Variants in IFT88 observed in about 807,000 individuals in gnomAD.
IFT88 encodes intraflagellar transport 88.
Under a neutral mutation model 119.5 loss-of-function variants are expected in IFT88, and 74 were observed. The observed-to-expected ratio is 0.62, with a 90% CI of 0.51 to 0.75. The LOEUF (loss-of-function observed/expected upper bound fraction) is 0.75. IFT88 is among the 30% of genes least tolerant of loss of function. The probability of loss-of-function intolerance (pLI) is 0.00; values close to 1 mark genes in which losing one functional copy is unlikely to be tolerated. For synonymous variants in IFT88, 279 were observed against 316.7 expected, an observed-to-expected ratio of 0.88 and a Z score of 1.26; for missense variants, 961 against 977.7, an observed-to-expected ratio of 0.98 and a Z score of 0.23.
chr13:20,602,867 A>T (rs1261737198), intron 12 of IFT88, among the ~76,000 whole-genome samples: 2 of 151,870 alleles, frequency 1.3e-5, no homozygotes, highest in Non-Finnish European at 2.9e-5. Flanking sequence ...TGGGTGACAG[A>T]GCAAGACTCT....
intron 1 of IFT88, among the ~76,000 whole-genome samples, chr13:20,570,956 G>C (rs2036235584): frequency 6.6e-6 from 1 of 151,846 alleles, no homozygotes; most frequent in South Asian, 2.1e-4. Flanking sequence ...CTGAGAAAAA[G>C]ATTAAGCTGA....
At chr13:20,584,959 T>C (rs899743412) in intron 3 of IFT88, among the ~76,000 whole-genome samples, 4 of 152,206 alleles carry the variant, frequency 2.6e-5, no homozygotes, top group Admixed American at 6.5e-5. Context: ...CTACAATGCA[T>C]AGGGCAGCCC....
intron 1 of IFT88, among the ~76,000 whole-genome samples, chr13:20,572,547 C>T (rs773973310): frequency 2.6e-5 from 4 of 152,094 alleles, no homozygotes; most frequent in African/African-American, 9.7e-5. Flanking sequence ...GTATTTTAAG[C>T]TAAATTACAG....
chr13:20,594,701 A>G (rs2041333228), intron 7 of IFT88, among the ~76,000 whole-genome samples: 1 of 152,222 alleles, frequency 6.6e-6, no homozygotes, highest in South Asian at 2.1e-4. Flanking sequence ...GACAACTAGA[A>G]AATAGAATTC....
At chr13:20,573,851 C>T (rs1436324304) in intron 1 of IFT88, among the ~76,000 whole-genome samples, 1 of 152,142 alleles carries the variant, frequency 6.6e-6, no homozygotes, top group Non-Finnish European at 1.5e-5. Context: ...TGTACCCCCT[C>T]TAGTGCCTGT....
intron 2 of IFT88, among the ~76,000 whole-genome samples, chr13:20,577,779 C>T (rs754203268): frequency 2.0e-5 from 3 of 152,080 alleles, no homozygotes; most frequent in Non-Finnish European, 4.4e-5. Context: ...AGGATTTTTG[C>T]ATCAATGTTC....
chr13:20,642,930 AAAAT>A (rs1354160098), intron 18 of IFT88: 3 of 152,048 alleles, frequency 2.0e-5, no homozygotes, highest in Admixed American at 6.5e-5. Flanking sequence ...TAATATGTAT[AAAAT>A]AAATAGTAAT....
rs749936390 is a variant in IFT88 at position 20,691,139 on chromosome 13, T to C, written c.2439T>C (p.Ala813=). The change falls in exon 26 of 26, where the codon GCT becomes GCC. Residue 813 remains alanine (A), a synonymous_variant. Coordinates refer to ENST00000351808, the MANE Select transcript of IFT88 (RefSeq NM_006531.5). ...AKKRIDEDDF[A]DEELGDDLLP... ...AAAGGATCGATGAGGATGATTTTGC[T>C]GATGAAGAATTAGGAGATGATTTGC... The C allele has an allele frequency of 3.7e-6, 6 of 1,613,704 alleles. No homozygotes were observed. Among genetic ancestry groups the C allele is most frequent in the Admixed American group, 1.7e-5 (1 of 59,972 alleles).
At chr13:20,591,583 T>C (rs766581704) in intron 5 of IFT88, 35 bp from the exon 6 acceptor site, 13 of 1,504,994 alleles carry the variant, frequency 8.6e-6, no homozygotes, top group Non-Finnish European at 1.2e-5. Flanking sequence ...AGATAGATCT[T>C]ATTTAAGAAT....
At chr13:20,580,515 A>G (rs1462470266) in intron 2 of IFT88, among the ~76,000 whole-genome samples, 1 of 152,110 alleles carries the variant, frequency 6.6e-6, no homozygotes, top group African/African-American at 2.4e-5. Context: ...TGCACAACAG[A>G]GCAAGAGTCC....
chr13:20,685,573 T>C (rs7139641), intron 24 of IFT88, among the ~76,000 whole-genome samples: 32,074 of 152,106 alleles, frequency 0.21, 3,889 homozygotes, highest in African/African-American at 0.31. Context: ...TCAAGCCCTT[T>C]AAAATGCCCG....
At chr13:20,593,748 T>TA (rs994644198) in intron 7 of IFT88, among the ~76,000 whole-genome samples, 2 of 151,712 alleles carry the variant, frequency 1.3e-5, no homozygotes, top group African/African-American at 2.4e-5. Flanking sequence ...AAAACATGTT[T>TA]AAAAAAAAGT....
intron 18 of IFT88, 84 bp from the exon 19 acceptor site, chr13:20,643,371 A>C (rs554874362): frequency 9.5e-7 from 1 of 1,047,142 alleles, no homozygotes; most frequent in Admixed American, 2.3e-5. Flanking sequence ...AGGCTAAGAA[A>C]TATTGTTACT....
intron 24 of IFT88, among the ~76,000 whole-genome samples, chr13:20,675,386 A>C (rs1449964346): frequency 1.3e-5 from 2 of 152,208 alleles, no homozygotes; most frequent in Non-Finnish European, 1.5e-5. Flanking sequence ...TATCCAGCCC[A>C]CTTTGTATAC....
intron 9 of IFT88, among the ~76,000 whole-genome samples, chr13:20,597,475 T>A (rs1010517028): frequency 1.6e-4 from 25 of 152,196 alleles, no homozygotes; most frequent in Admixed American, 1.6e-3. Flanking sequence ...CCGGGTGCCG[T>A]GGCTCACGCC....
At chr13:20,620,913 A>G (rs959917173) in intron 14 of IFT88, among the ~76,000 whole-genome samples, 1 of 152,244 alleles carries the variant, frequency 6.6e-6, no homozygotes, top group African/African-American at 2.4e-5. Context: ...ATGTGAGGAC[A>G]CAGCAAAAAG....
At chr13:20,649,566 C>T (rs564768343) in intron 20 of IFT88, among the ~76,000 whole-genome samples, 1 of 152,094 alleles carries the variant, frequency 6.6e-6, no homozygotes, top group South Asian at 2.1e-4. Context: ...AGTTAGTAAC[C>T]TAACTAAACA....
At chr13:20,674,767 G>A (rs1202709578) in intron 24 of IFT88, among the ~76,000 whole-genome samples, 3 of 128,564 alleles carry the variant, frequency 2.3e-5, no homozygotes, top group East Asian at 4.9e-4. Flanking sequence ...TTGCTGGAGT[G>A]CAGTGGCGTG....
At chr13:20,640,204 C>T (rs1009375683) in intron 17 of IFT88, among the ~76,000 whole-genome samples, 3 of 152,048 alleles carry the variant, frequency 2.0e-5, no homozygotes, top group Non-Finnish European at 4.4e-5. Context: ...TTTTCATACT[C>T]TTCTTATAGC....
Sources: gnomAD v4.1 joint callset for allele counts (sites outside exome capture counted in the v4.1 genomes callset) on GRCh38, gnomAD v4.1.1 for gene constraint, MANE v1.5 for transcripts, NCBI Gene and HGNC (gene_info 2026-07-23, HGNC 2026-07-21) for gene names.